Variants in TSC2 observed in about 807,000 individuals in gnomAD.
The protein encoded by TSC2 is tuberin.
Under a neutral mutation model 202.2 loss-of-function variants are expected in TSC2, and 29 were observed. The ratio of observed to expected loss-of-function variants is 0.14; its 90% confidence interval spans 0.11 to 0.20. The LOEUF (loss-of-function observed/expected upper bound fraction) is 0.20, where lower values mean the gene tolerates loss of function less well. Ranked by LOEUF, TSC2 falls within the 10% of genes least tolerant of loss-of-function variation. The probability of loss-of-function intolerance (pLI) is 1.00; values close to 1 mark genes in which losing one functional copy is unlikely to be tolerated. For missense variants in TSC2, 2,429 were observed against 2,420.0 expected, an observed-to-expected ratio of 1.00 and a Z score of -0.08; for synonymous variants, 1,349 against 1,044.0, an observed-to-expected ratio of 1.29 and a Z score of -5.63.
Position 2,079,244 on chromosome 16 carries a change from G to T in TSC2, c.3132-32G>T. On this transcript the variant is annotated intron_variant, in intron 27 of 41. Coordinates refer to ENST00000219476, the MANE Select transcript of TSC2 (RefSeq NM_000548.5). The surrounding 1 kb of genome is among the most constrained non-coding windows in gnomAD (Gnocchi z 4.6). ...GGGCGGGCCTGCGGGAGCTCCACGG[G>T]CAAGCTGGGTTTCACGCTCCCTGTC... is the stretch of plus-strand genomic sequence containing the variant. 6.2e-7 allele frequency: 1 copy of T among 1,612,950 alleles called. No homozygotes were observed. Among genetic ancestry groups the T allele is most frequent in the Non-Finnish European group, 8.5e-7 (1 of 1,180,028 alleles).
rs28422132 is a variant in TSC2, at chr16:2,080,018, G to A, written c.3398-147G>A. The A allele has an allele frequency of 1.4e-4, 150 of 1,106,332 alleles. No individual in the cohort carries two copies. In the African/African-American group the frequency reaches 1.9e-3, roughly 14 times the overall value. 68.5% of individuals were successfully genotyped at this position (1,106,332 alleles called of 1,614,324 possible). A position where few individuals can be genotyped will look rare whatever the true frequency, so the allele number is the denominator to read the frequency against. ...CTGGGTTCACTGAGGCCAGCACTGT[G>A]GTGGGCCGTGCCCCAAGGGCAGAGC... On this transcript the variant is annotated intron_variant, in intron 29 of 41. Coordinates refer to ENST00000219476, the MANE Select transcript of TSC2 (RefSeq NM_000548.5).
Position 2,088,321 on chromosome 16 carries a change from A to G in TSC2, c.5255A>G (p.Gln1752Arg), listed in dbSNP as rs2151632821. ...CTCCGCCACATCAAGCGGCTCCGCC[A>G]GCGGGTAGGGAATATGGGGCTCCCT... ...ARLRHIKRLR[Q>R]RICEEAAYSN... The change falls in exon 41 of 42, where the codon CAG becomes CGG. Residue 1752 changes from glutamine (Q) to arginine (R), a missense_variant. Transcript: ENST00000219476. 6.2e-7 allele frequency: 1 copy of G among 1,612,654 alleles called. No homozygotes were observed. The highest frequency in any genetic ancestry group is 1.1e-5 in the South Asian group (1 of 91,082).
intron 14 of TSC2, 54 bp from the exon 15 acceptor site, chr16:2,064,218 G>A (rs991301271): frequency 5.0e-6 from 8 of 1,613,304 alleles, no homozygotes; most frequent in South Asian, 3.3e-5. Flanking sequence ...GAAGTGTCAC[G>A]AGATGTGGCC....
Position 2,082,461 on chromosome 16 carries a change from G to T in TSC2, c.3840G>T (p.Gln1280His). The change falls in exon 32 of 42, where the codon CAG becomes CAT. Residue 1280 changes from glutamine (Q) to histidine (H), a missense_variant. Transcript: ENST00000219476. ...NTVASFSSLY[Q>H]SSCQGQLHRS... ...TGGCCTCTTTCTCCTCCCTGTACCA[G>T]TCCAGCTGCCAAGGACAGCTGCACA... The T allele has an allele frequency of 6.2e-7, 1 of 1,612,478 alleles. No homozygotes were observed. Among genetic ancestry groups the T allele is most frequent in the Non-Finnish European group, 8.5e-7 (1 of 1,180,006 alleles).
At chr16:2,054,019 G>A (rs2085458340) in intron 4 of TSC2, 4 of 531,330 alleles carry the variant, frequency 7.5e-6, no homozygotes, top group Admixed American at 3.1e-5. Flanking sequence ...GCAGGGGTCG[G>A]GCAGGAGCTG....
intron 1 of TSC2, 39 bp downstream of exon 1, chr16:2,048,104 C>A (rs973464550): frequency 2.8e-6 from 4 of 1,454,158 alleles, no homozygotes; most frequent in African/African-American, 1.5e-5. Flanking sequence ...GCGGTCCCCA[C>A]GGGGCAGCGG....
At chr16:2,078,909 C>T (rs1317429683) in intron 26 of TSC2, 123 bp from the exon 27 acceptor site, 1 of 1,340,828 alleles carries the variant, frequency 7.5e-7, no homozygotes, top group African/African-American at 1.4e-5. Context: ...CCGCCCACGC[C>T]CTGTTGGGGT....
At position 2,060,760 on chromosome 16, in the gene TSC2, G is replaced by C. The variant is rs587778728; in HGVS notation, c.1066G>C (p.Val356Leu). 4.0e-5 allele frequency: 65 copies of C among 1,613,880 alleles called. No homozygotes were observed. The highest frequency in any genetic ancestry group is 4.2e-5 in the Non-Finnish European group (50 of 1,179,942). ...IKKYRKELQV[V>L]AWDILLNIIE... ...GAAGTATAGGAAGGAGCTCCAGGTGGTGGCGTGGGACATTCTGCTGAACAT... is the reference window on the plus strand; with the variant it reads ...GAAGTATAGGAAGGAGCTCCAGGTGCTGGCGTGGGACATTCTGCTGAACAT... The change falls in exon 11 of 42, where the codon GTG becomes CTG. Residue 356 changes from valine to leucine, a missense_variant. Transcript: ENST00000219476.
intron 26 of TSC2, chr16:2,078,817 AG>A (rs1214763063): frequency 3.2e-6 from 2 of 626,546 alleles, no homozygotes; most frequent in African/African-American, 3.7e-5. Context: ...TCCGACCAGT[AG>A]GCCTGGTCTT....
chr16:2,066,651 C>CTTTTTT (rs34619573), intron 16 of TSC2, among the ~76,000 whole-genome samples: 17 of 98,478 alleles, frequency 1.7e-4, no homozygotes, highest in Non-Finnish European at 2.5e-4. Flanking sequence ...TCTGATTTAT[C>CTTTTTT]TTTTTTTTTT....
At chr16:2,058,657 G>A in intron 9 of TSC2, 90 bp from the exon 10 acceptor site, 1 of 1,535,112 alleles carries the variant, frequency 6.5e-7, no homozygotes, top group Non-Finnish European at 8.8e-7. Context: ...CTCTGGGGCT[G>A]CTGCAGGAGC....
At chr16:2,077,481 C>T (rs1424344422) in intron 25 of TSC2, 117 bp from the exon 26 acceptor site, 1 of 1,491,618 alleles carries the variant, frequency 6.7e-7, no homozygotes, top group East Asian at 2.3e-5. Flanking sequence ...CCCGCGGGAT[C>T]TCTCCATCCT....
chr16:2,057,609 C>T (rs1356897269), intron 9 of TSC2, among the ~76,000 whole-genome samples: 6 of 152,208 alleles, frequency 3.9e-5, no homozygotes. Flanking sequence ...TCCTGCTCTC[C>T]TGTATCCATC....
chr16:2,086,841 CG>C lies in TSC2; in HGVS notation c.4961del (p.Gly1654ValfsTer18). On this transcript the variant is annotated frameshift_variant, in exon 38 of 42. Coordinates refer to ENST00000219476, the MANE Select transcript of TSC2 (RefSeq NM_000548.5). LOFTEE classifies it high-confidence loss of function. ...DFVSIVYNDSGEDFKLGTIKG... is the reference protein window; with the variant it reads ...DFVSIVYNDSXEDFKLGTIKG... Reference sequence around the variant, plus strand: ...TTGTGTCCATTGTCTACAATGACTCCGGTGAGGACTTCAAGCTTGGCACCAT... The same window carrying C: ...TTGTGTCCATTGTCTACAATGACTCCGTGAGGACTTCAAGCTTGGCACCAT... The C allele has an allele frequency of 6.2e-7, 1 of 1,603,866 alleles. No homozygotes were observed. The highest frequency in any genetic ancestry group is 8.5e-7 in the Non-Finnish European group (1 of 1,176,034).
In TSC2 at chr16:2,087,871, C is replaced by A. The variant is rs757221445; in HGVS notation, c.4998C>A (p.Phe1666Leu). 4.3e-6 allele frequency: 7 copies of A among 1,612,304 alleles called. No homozygotes were observed. Among genetic ancestry groups the A allele is most frequent in the Non-Finnish European group, 8.5e-7 (1 of 1,179,932 alleles). ...DFKLGTIKGQ[F>L]NFVHVIVTPL... ...TTCTCTTGTCCGGGCAGGGCCAGTT[C>A]AACTTTGTCCACGTGATCGTCACCC... The change falls in exon 39 of 42, where the codon TTC becomes TTA. Residue 1666 changes from phenylalanine (F) to leucine (L), a missense_variant. By Grantham distance (22) the Phe-to-Leu change is conservative. Coordinates refer to ENST00000219476, the MANE Select transcript of TSC2 (RefSeq NM_000548.5).
intron 12 of TSC2, 146 bp from the exon 13 acceptor site, chr16:2,062,351 A>G (rs1234721447): frequency 3.9e-6 from 3 of 776,084 alleles, no homozygotes; most frequent in Non-Finnish European, 6.4e-6. Context: ...CCCCGCTGCC[A>G]GGAGTGCCTT....
intron 10 of TSC2, among the ~76,000 whole-genome samples, chr16:2,059,922 A>G (rs2086422260): frequency 6.6e-6 from 1 of 152,166 alleles, no homozygotes; most frequent in Admixed American, 6.5e-5. Context: ...TGGTCTCCCA[A>G]AGTGCTGAGA....
chr16:2,076,242 T>C, intron 24 of TSC2, 72 bp downstream of exon 24: 1 of 1,601,976 alleles, frequency 6.2e-7, no homozygotes, highest in Non-Finnish European at 8.5e-7. Context: ...CTGTCCATGG[T>C]CGGGCAGAGT....
In TSC2 at chr16:2,048,088, C is replaced by T. The variant is rs1023075474; in HGVS notation, c.-30+23C>T. 1.4e-6 allele frequency: 2 copies of T among 1,434,942 alleles called. No homozygotes were observed. The allele number at this position is 1,434,942 out of a possible 1,614,324, so 88.9% of individuals were successfully genotyped here. A position where few individuals can be genotyped will look rare whatever the true frequency, so the allele number is the denominator to read the frequency against. ...GGGGTAAGTGGCGGTCCCCACGGGGCAAGTGGCGGTCCCCACGGGGCAGCG... is the reference window on the plus strand; with the variant it reads ...GGGGTAAGTGGCGGTCCCCACGGGGTAAGTGGCGGTCCCCACGGGGCAGCG... On this transcript the variant is annotated intron_variant, in intron 1 of 41. Transcript: ENST00000219476.
Sources: gnomAD v4.1 joint callset for allele counts (sites outside exome capture counted in the v4.1 genomes callset) on GRCh38, gnomAD v4.1.1 for gene constraint, Gnocchi (gnomAD v3.1) non-coding constraint, MANE v1.5 for transcripts, NCBI Gene and HGNC (gene_info 2026-07-23, HGNC 2026-07-21) for gene names.